The following PHKB variants were observed in gnomAD, a reference collection of about 807,000 sequenced individuals.
PHKB encodes phosphorylase kinase regulatory subunit beta.
PHKB carries 122 observed loss-of-function variants against 152.1 expected under a neutral mutation model. The observed-to-expected ratio is 0.80, with a 90% CI of 0.69 to 0.93. The LOEUF (loss-of-function observed/expected upper bound fraction) is 0.93, where lower values mean the gene tolerates loss of function less well. PHKB is among the 40% of genes least tolerant of loss of function. The probability of loss-of-function intolerance (pLI) is 0.00; values close to 1 mark genes in which losing one functional copy is unlikely to be tolerated. For missense variants in PHKB, 1,304 were observed against 1,328.4 expected (o/e 0.98, Z 0.29); for synonymous variants, 436 against 464.9 (o/e 0.94, Z 0.80).
chr16:47,696,604 C>G (rs1478086072), intron 29 of PHKB, 116 bp downstream of exon 29: 2 of 725,952 alleles, frequency 2.8e-6, no homozygotes, highest in Non-Finnish European at 2.5e-6. Flanking sequence ...GTACCCCGAT[C>G]TCTCCTGTGA....
intron 7 of PHKB, chr16:47,565,533 A>G: frequency 1.7e-6 from 2 of 1,195,678 alleles, no homozygotes; most frequent in Non-Finnish European, 2.5e-6. Context: ...GAGTTTTAGA[A>G]GTTGGAGAGT....
chr16:47,638,278 G>A (rs1972957193), intron 14 of PHKB, among the ~76,000 whole-genome samples: 1 of 152,184 alleles, frequency 6.6e-6, no homozygotes, highest in African/African-American at 2.4e-5. Context: ...ATGGGATCTA[G>A]GGCAACATAG....
chr16:47,463,831 C>A (rs1426015512), intron 1 of PHKB: 5 of 1,076,562 alleles, frequency 4.6e-6, no homozygotes, highest in Non-Finnish European at 5.7e-6. Flanking sequence ...TAACTGCTCA[C>A]ACTGCTTTCA....
intron 14 of PHKB, among the ~76,000 whole-genome samples, chr16:47,631,564 G>A (rs1972827316): frequency 6.6e-6 from 1 of 152,138 alleles, no homozygotes; most frequent in African/African-American, 2.4e-5. Context: ...GTGCCATGGT[G>A]GTTTGCTGCA....
intron 8 of PHKB, among the ~76,000 whole-genome samples, chr16:47,580,979 T>A (rs1211825640): frequency 6.6e-6 from 1 of 152,200 alleles, no homozygotes; most frequent in Non-Finnish European, 1.5e-5. Flanking sequence ...AGGAATAAAA[T>A]GTAGGAATAG....
At chr16:47,581,325 C>T (rs1446448283) in intron 8 of PHKB, among the ~76,000 whole-genome samples, 1 of 152,152 alleles carries the variant, frequency 6.6e-6, no homozygotes, top group Admixed American at 6.5e-5. Context: ...TGGATGGGCT[C>T]TGTCTATATG....
At chr16:47,558,951 T>C (rs1285868361) in intron 7 of PHKB, among the ~76,000 whole-genome samples, 1 of 152,260 alleles carries the variant, frequency 6.6e-6, no homozygotes. Context: ...GGCTACATTG[T>C]GTTTCTAAGT....
chr16:47,641,746 T>C (rs1390127376), intron 16 of PHKB, 54 bp downstream of exon 16: 10 of 944,476 alleles, frequency 1.1e-5, no homozygotes, highest in Non-Finnish European at 1.8e-5. Flanking sequence ...TAGAGCTTGA[T>C]GGTTGGACTT....
chr16:47,660,715 C>T lies in PHKB; in HGVS notation c.2092C>T (p.Arg698Trp), dbSNP rs374998590. The T allele has an allele frequency of 1.7e-5, 28 of 1,613,894 alleles. No individual in the cohort carries two copies. The highest frequency in any genetic ancestry group is 2.7e-5 in the African/African-American group (2 of 74,900). ...LEPPKHSKVKRQSSTPSAPEL... is the reference protein window; with the variant it reads ...LEPPKHSKVKWQSSTPSAPEL... ...ACCTCCCAAACATTCAAAAGTCAAA[C>T]GGCAAAGCAGCACCCCTAGTGCTCC... The change falls in exon 22 of 31, where the codon CGG (arginine) becomes TGG (tryptophan). Residue 698 changes from arginine (R) to tryptophan (W), a missense_variant. Transcript: ENST00000323584.
rs1970523865 is a variant in PHKB at position 47,512,284 on chromosome 16, G to A, written c.513+512G>A. Among the ~76,000 whole-genome samples, 3 of 152,232 alleles carry A rather than the reference G, an allele frequency of 2.0e-5. No individual in the cohort carries two copies. The South Asian group carries it at 6.2e-4, about 31-fold the overall frequency. On this transcript the variant is annotated intron_variant, in intron 5 of 30. Transcript: ENST00000323584. ...GTGAAATGGCAGCCACCAGGGCTGAGTTAGTTGTGGCAATTGAACATGAAA... is the reference window on the plus strand; with the variant it reads ...GTGAAATGGCAGCCACCAGGGCTGAATTAGTTGTGGCAATTGAACATGAAA...
intron 14 of PHKB, among the ~76,000 whole-genome samples, chr16:47,634,056 G>A (rs1285296169): frequency 6.6e-6 from 1 of 152,176 alleles, no homozygotes; most frequent in Non-Finnish European, 1.5e-5. Flanking sequence ...GGCATTGATA[G>A]ATGGCTAATT....
Position 47,669,179 on chromosome 16 carries a change from TAGG to T in PHKB, c.2428-33_2428-31del, listed in dbSNP as rs775340084. On this transcript the variant is annotated intron_variant, in intron 25 of 30. Coordinates refer to ENST00000323584, the MANE Select transcript of PHKB (RefSeq NM_000293.3). ...TTTTTAATTTTTATCTTTTAGTAGC[TAGG>T]AGAATTTTACAATAAAATTCTGCCA... The T allele has an allele frequency of 4.4e-5, 66 of 1,516,818 alleles. No homozygotes were observed. In the African/African-American group the frequency reaches 8.5e-4, roughly 20 times the overall value. The allele number at this position is 1,516,818 out of a possible 1,614,324, so 94.0% of individuals were successfully genotyped here.
At chr16:47,599,010 G>A (rs1352748458) in intron 13 of PHKB, 3 of 842,122 alleles carry the variant, frequency 3.6e-6, no homozygotes, top group East Asian at 2.4e-5. Context: ...CCCTGACAGC[G>A]CCAACGATTC....
intron 6 of PHKB, among the ~76,000 whole-genome samples, chr16:47,531,155 GAC>G (rs1970855066): frequency 6.6e-6 from 1 of 152,254 alleles, no homozygotes; most frequent in East Asian, 1.9e-4. Flanking sequence ...ACCCCCTCCC[GAC>G]ACACACATAC....
chr16:47,662,717 C>A (rs1973465364), intron 23 of PHKB, among the ~76,000 whole-genome samples: 1 of 152,128 alleles, frequency 6.6e-6, no homozygotes, highest in African/African-American at 2.4e-5. Flanking sequence ...CAGAATCTTG[C>A]ATGTTTCTAA....
chr16:47,631,622 C>T (rs540499876), intron 14 of PHKB, among the ~76,000 whole-genome samples: 10 of 152,238 alleles, frequency 6.6e-5, no homozygotes, highest in African/African-American at 2.4e-4. Context: ...ATGCTGTCCC[C>T]CCGCTAGCCT....
At chr16:47,571,203 T>G (rs1281060733) in intron 7 of PHKB, among the ~76,000 whole-genome samples, 1 of 152,136 alleles carries the variant, frequency 6.6e-6, no homozygotes, top group Non-Finnish European at 1.5e-5. Flanking sequence ...CCCAGTAGTG[T>G]GTACTACTCT....
At chr16:47,589,635 T>G (rs1249541898) in intron 10 of PHKB, among the ~76,000 whole-genome samples, 1 of 152,218 alleles carries the variant, frequency 6.6e-6, no homozygotes, top group East Asian at 1.9e-4. Context: ...TTTTAAAATA[T>G]TTTGTATTTC....
intron 7 of PHKB, 134 bp downstream of exon 7, chr16:47,547,682 A>G: frequency 1.6e-6 from 1 of 645,156 alleles, no homozygotes; most frequent in Non-Finnish European, 2.8e-6. Context: ...CCTATGATGC[A>G]GATGGAAGTC....
Sources: gnomAD v4.1 joint callset for allele counts (sites outside exome capture counted in the v4.1 genomes callset) on GRCh38, gnomAD v4.1.1 for gene constraint, MANE v1.5 for transcripts, NCBI Gene and HGNC (gene_info 2026-07-23, HGNC 2026-07-21) for gene names.